The following GYS2 variants were observed in gnomAD, a reference collection of about 807,000 sequenced individuals.
GYS2 encodes glycogen [starch] synthase, liver.
A neutral mutation model predicts 85.6 loss-of-function variants in GYS2; 80 were observed. That is an observed-to-expected ratio of 0.93 (90% CI 0.78 to 1.13). GYS2 has a LOEUF of 1.13. Ranked by LOEUF, GYS2 falls within the 50% of genes most tolerant of loss-of-function variation. The pLI is 0.00. For synonymous variants in GYS2, 328 were observed against 300.7 expected, an observed-to-expected ratio of 1.09 and a Z score of -0.94; for missense variants, 881 against 854.9, an observed-to-expected ratio of 1.03 and a Z score of -0.38.
At chr12:21,556,882 T>A (rs537740209) in intron 11 of GYS2, among the ~76,000 whole-genome samples, 2 of 152,180 alleles carry the variant, frequency 1.3e-5, no homozygotes, top group African/African-American at 4.8e-5. Context: ...AATTTATTTG[T>A]TTGATTTTTT....
downstream of GYS2, among the ~76,000 whole-genome samples, chr12:21,535,839 C>A (rs1195195946): frequency 6.6e-6 from 1 of 152,078 alleles, no homozygotes; most frequent in African/African-American, 2.4e-5. Flanking sequence ...AAAAGCAATC[C>A]AAGAGTGTGA....
At chr12:21,539,157 G>A in intron 15 of GYS2, 101 bp downstream of exon 15, 4 of 734,352 alleles carry the variant, frequency 5.4e-6, no homozygotes. Context: ...TTATGAAAAA[G>A]TATCATAGCT....
rs890394980 is a variant in GYS2, at chr12:21,568,957, A to T, written c.731T>A (p.Met244Lys). 17 of 1,613,684 alleles carry T rather than the reference A, an allele frequency of 1.1e-5. No individual in the cohort carries two copies. Among genetic ancestry groups the T allele is most frequent in the East Asian group, 4.5e-5 (2 of 44,874 alleles). The part of the protein sequence containing the change: ...GERQIYHRYC[M>K]ERASVHCAHV... ...AGCGCAATGAACGGAAGCTCGCTCC[A>T]TGCAGTACCGGTGGTAAATCTGCCT... The change falls in exon 5 of 16, where the codon ATG becomes AAG. Residue 244 changes from methionine to lysine, a missense_variant. Coordinates refer to ENST00000261195, the MANE Select transcript of GYS2 (RefSeq NM_021957.4).
intron 1 of GYS2, among the ~76,000 whole-genome samples, chr12:21,589,325 A>C (rs766640155): frequency 4.6e-5 from 7 of 152,220 alleles, no homozygotes; most frequent in Non-Finnish European, 1.0e-4. Context: ...CTAATTCGCT[A>C]CTTCTTTTAC....
At chr12:21,557,640 C>G (rs572892787) in intron 11 of GYS2, among the ~76,000 whole-genome samples, 1 of 152,286 alleles carries the variant, frequency 6.6e-6, no homozygotes, top group South Asian at 2.1e-4. Flanking sequence ...TGGCTCACGC[C>G]TGTAATCCCA....
At chr12:21,553,623 G>A (rs879284630) in intron 11 of GYS2, among the ~76,000 whole-genome samples, 1 of 152,188 alleles carries the variant, frequency 6.6e-6, no homozygotes, top group Non-Finnish European at 1.5e-5. Context: ...ATTGCTCATA[G>A]AATCAGACAC....
chr12:21,602,037 C>A (rs1944761411), intron 1 of GYS2, among the ~76,000 whole-genome samples: 1 of 152,026 alleles, frequency 6.6e-6, no homozygotes. Context: ...CCTAAGAAAC[C>A]TTTTGTTTTC....
At chr12:21,584,079 G>A (rs759456438) in intron 1 of GYS2, among the ~76,000 whole-genome samples, 2 of 152,182 alleles carry the variant, frequency 1.3e-5, no homozygotes, top group Admixed American at 6.5e-5. Context: ...GTGGACAGCC[G>A]CAGCACTACA....
intron 4 of GYS2, among the ~76,000 whole-genome samples, chr12:21,569,992 A>T (rs138499459): frequency 6.6e-6 from 1 of 152,296 alleles, no homozygotes; most frequent in East Asian, 1.9e-4. Flanking sequence ...CTGATTAATG[A>T]ATACAGTCTT....
intron 5 of GYS2, among the ~76,000 whole-genome samples, chr12:21,565,089 T>C (rs1318708854): frequency 1.3e-5 from 2 of 152,108 alleles, no homozygotes; most frequent in African/African-American, 2.4e-5. Flanking sequence ...AAAAAAGATC[T>C]GTGTCCTGAA....
intron 1 of GYS2, among the ~76,000 whole-genome samples, chr12:21,597,969 A>G (rs764074672): frequency 6.6e-5 from 10 of 152,128 alleles, no homozygotes; most frequent in South Asian, 6.2e-4. Context: ...GCATGTTCTC[A>G]CTGATATGTG....
At chr12:21,536,064 C>T (rs572239325), downstream of GYS2, 3 of 152,102 alleles carry the variant, frequency 2.0e-5, no homozygotes, top group Non-Finnish European at 4.4e-5. Flanking sequence ...ACATGTTATT[C>T]GAATGTCTAA....
chr12:21,548,500 G>T (rs577452499), intron 11 of GYS2, among the ~76,000 whole-genome samples: 1 of 152,208 alleles, frequency 6.6e-6, no homozygotes, highest in South Asian at 2.1e-4. Flanking sequence ...TGAATTTTGA[G>T]AACTACCTTT....
chr12:21,572,480 T>C (rs1471746970), intron 4 of GYS2, among the ~76,000 whole-genome samples: 3 of 152,220 alleles, frequency 2.0e-5, no homozygotes, highest in Non-Finnish European at 2.9e-5. Flanking sequence ...ACCCAAATTC[T>C]AAATTTAGTG....
rs371664899 is a variant in GYS2 at position 21,542,631 on chromosome 12, C to G, written c.1550-40G>C. The G allele has an allele frequency of 2.2e-6, 3 of 1,352,638 alleles. No individual in the cohort carries two copies. The African/African-American group carries it at 4.3e-5, about 19-fold the overall frequency. The allele number at this position is 1,352,638 out of a possible 1,614,324, so 83.8% of individuals were successfully genotyped here. ...AGACCAAAGCTTGGCTTCAGACCAG[C>G]GCCTATATCCTTGTATGCACTCAGA... On this transcript the variant is annotated intron_variant, in intron 12 of 15. Coordinates refer to ENST00000261195, the MANE Select transcript of GYS2 (RefSeq NM_021957.4).
At position 21,546,458 on chromosome 12, in the gene GYS2, G is replaced by A. The variant is rs1944040883; in HGVS notation, c.1435C>T (p.Pro479Ser). The A allele has an allele frequency of 1.3e-6, 2 of 1,598,534 alleles. No individual in the cohort carries two copies. Among genetic ancestry groups the A allele is most frequent in the East Asian group, 2.2e-5 (1 of 44,694 alleles). The stretch of plus-strand genomic sequence containing the variant: ...GGACTGGTGGAGGATAGAAACTCTG[G>A]GTGCAAAATCACCTAAAAAAGGAAA... ...RTDRVKVILHPEFLSSTSPLL... is the reference protein window; with the variant it reads ...RTDRVKVILHSEFLSSTSPLL... Residue 479 changes from proline to serine, a missense_variant, in exon 12 of 16, where the codon CCA becomes TCA. Pro to Ser is a moderately conservative substitution (Grantham distance 74). Coordinates refer to ENST00000261195, the MANE Select transcript of GYS2 (RefSeq NM_021957.4).
chr12:21,546,976 G>A (rs1184005670), intron 11 of GYS2, among the ~76,000 whole-genome samples: 1 of 152,124 alleles, frequency 6.6e-6, no homozygotes, highest in African/African-American at 2.4e-5. Flanking sequence ...CATGCTAGAG[G>A]ACTTCGTGCA....
At chr12:21,543,495 A>G (rs1338989555) in intron 12 of GYS2, among the ~76,000 whole-genome samples, 1 of 152,068 alleles carries the variant, frequency 6.6e-6, no homozygotes, top group African/African-American at 2.4e-5. Flanking sequence ...TTTAATTTTT[A>G]CACACTTTTA....
At chr12:21,557,652 C>A (rs1245878313) in intron 11 of GYS2, among the ~76,000 whole-genome samples, 2 of 152,166 alleles carry the variant, frequency 1.3e-5, no homozygotes, top group Non-Finnish European at 2.9e-5. Flanking sequence ...GTAATCCCAG[C>A]ACTTTGGGAG....
Sources: allele counts gnomAD v4.1 joint callset (sites outside exome capture counted in the v4.1 genomes callset), GRCh38; gene constraint gnomAD v4.1.1; transcripts MANE v1.5; gene names NCBI Gene and HGNC (gene_info 2026-07-23, HGNC 2026-07-21).